The following PPP2R2B variants were observed in gnomAD, a reference collection of about 807,000 sequenced individuals.
The protein encoded by PPP2R2B is protein phosphatase 2 regulatory subunit Bbeta, also known as serine/threonine-protein phosphatase 2A 55 kDa regulatory subunit B beta isoform.
A neutral mutation model predicts 46.0 loss-of-function variants in PPP2R2B; 5 were observed. The observed-to-expected ratio is 0.11, with a 90% CI of 0.06 to 0.23. The LOEUF is 0.23. PPP2R2B is among the 10% of genes least tolerant of loss of function. PPP2R2B has a pLI of 1.00. For missense variants in PPP2R2B, 367 were observed against 575.0 expected (o/e 0.64, Z 3.70); for synonymous variants, 215 against 206.7 (o/e 1.04, Z -0.34).
At chr5:146,822,493 C>T (rs1264554739) in intron 2 of PPP2R2B, among the ~76,000 whole-genome samples, 1 of 151,258 alleles carries the variant, frequency 6.6e-6, no homozygotes, top group African/African-American at 2.4e-5. Flanking sequence ...TTACTATTTT[C>T]TCTCCAGGAA....
intron 5 of PPP2R2B, among the ~76,000 whole-genome samples, chr5:146,653,685 G>A (rs1017212688): frequency 6.6e-6 from 1 of 152,194 alleles, no homozygotes; most frequent in African/African-American, 2.4e-5. Flanking sequence ...AGGAACAAGA[G>A]GCATTACAGA....
chr5:146,847,752 G>A (rs1316278483), intron 2 of PPP2R2B, among the ~76,000 whole-genome samples: 1 of 152,072 alleles, frequency 6.6e-6, no homozygotes, highest in Non-Finnish European at 1.5e-5. Flanking sequence ...TATTTTCTCA[G>A]GCTTCAGGAA....
intron 7 of PPP2R2B, among the ~76,000 whole-genome samples, chr5:146,633,884 T>A (rs1469698798): frequency 6.6e-6 from 1 of 152,206 alleles, no homozygotes. Context: ...CAGCAGTCAC[T>A]GTCTTGTAGA....
chr5:146,593,168 G>T (rs934399433), intron 8 of PPP2R2B, 106 bp from the exon 9 acceptor site: 1 of 995,964 alleles, frequency 1.0e-6, no homozygotes. Flanking sequence ...CATTGTACAT[G>T]CTCTTTGAAT....
intron 1 of PPP2R2B, among the ~76,000 whole-genome samples, chr5:147,037,235 A>C (rs1462569305): frequency 1.3e-5 from 2 of 152,178 alleles, no homozygotes; most frequent in Non-Finnish European, 2.9e-5. Context: ...GAAAGAGTCT[A>C]TACCACAGGC....
intron 1 of PPP2R2B, among the ~76,000 whole-genome samples, chr5:146,945,990 A>G (rs906592385): frequency 1.3e-5 from 2 of 152,182 alleles, no homozygotes; most frequent in African/African-American, 4.8e-5. Flanking sequence ...AAGTGTGACC[A>G]GAGGCTGAGT....
At chr5:146,599,623 T>C (rs1275061539) in intron 8 of PPP2R2B, among the ~76,000 whole-genome samples, 1 of 152,174 alleles carries the variant, frequency 6.6e-6, no homozygotes, top group Non-Finnish European at 1.5e-5. Context: ...ACCTCATTTC[T>C]CTTGACACCA....
At chr5:147,080,564 G>C (rs1757942169) in intron 2 of PPP2R2B, among the ~76,000 whole-genome samples, 1 of 152,058 alleles carries the variant, frequency 6.6e-6, no homozygotes, top group Non-Finnish European at 1.5e-5. Flanking sequence ...CCAGGTAAAG[G>C]GCCCTGGAAT....
chr5:146,617,193 TAG>T (rs1773246353), intron 7 of PPP2R2B, among the ~76,000 whole-genome samples: 1 of 151,684 alleles, frequency 6.6e-6, no homozygotes, highest in Admixed American at 6.6e-5. Context: ...TTCATGGAGA[TAG>T]AGAGTAGAAG....
At chr5:147,040,887 G>T (rs958270563) in intron 1 of PPP2R2B, 9 of 413,266 alleles carry the variant, frequency 2.2e-5, no homozygotes, top group Admixed American at 3.0e-5. Flanking sequence ...CTTGAGGCTG[G>T]TTCTCTCCTG....
chr5:146,923,366 T>A (rs147914163), intron 1 of PPP2R2B, among the ~76,000 whole-genome samples: 142 of 152,330 alleles, frequency 9.3e-4, no homozygotes, highest in African/African-American at 3.2e-3. Context: ...TTGCATGATG[T>A]ATGGCAGTGA....
intron 1 of PPP2R2B, among the ~76,000 whole-genome samples, chr5:146,930,525 C>T (rs1763934831): frequency 6.6e-6 from 1 of 152,122 alleles, no homozygotes; most frequent in African/African-American, 2.4e-5. Context: ...AAGAGAGAGG[C>T]AATGATCACA....
intron 1 of PPP2R2B, among the ~76,000 whole-genome samples, chr5:146,932,518 G>T (rs1050372505): frequency 6.6e-6 from 1 of 152,144 alleles, no homozygotes; most frequent in Non-Finnish European, 1.5e-5. Context: ...CTGCTGCCAC[G>T]TAAGACAGGC....
At chr5:146,735,559 T>C (rs1449736235) in intron 2 of PPP2R2B, among the ~76,000 whole-genome samples, 4 of 152,094 alleles carry the variant, frequency 2.6e-5, no homozygotes, top group Non-Finnish European at 4.4e-5. Flanking sequence ...AGGTTTTATA[T>C]GATTAAATTG....
chr5:147,050,925 G>T (rs917672114), intron 1 of PPP2R2B, among the ~76,000 whole-genome samples: 1 of 151,894 alleles, frequency 6.6e-6, no homozygotes, highest in Non-Finnish European at 1.5e-5. Flanking sequence ...GAGCATTGTT[G>T]ATAGAATATG....
chr5:146,804,018 T>A (rs900421296), intron 2 of PPP2R2B, among the ~76,000 whole-genome samples: 1 of 151,828 alleles, frequency 6.6e-6, no homozygotes, highest in African/African-American at 2.4e-5. Context: ...ATAAAAAAAA[T>A]TAGACGGGCG....
intron 1 of PPP2R2B, among the ~76,000 whole-genome samples, chr5:146,902,435 T>C (rs531424282): frequency 6.6e-6 from 1 of 152,310 alleles, no homozygotes; most frequent in African/African-American, 2.4e-5. Flanking sequence ...ATATTGCTAC[T>C]ACCCACAACA....
At chr5:146,826,107 C>A (rs529476355) in intron 2 of PPP2R2B, among the ~76,000 whole-genome samples, 1 of 152,314 alleles carries the variant, frequency 6.6e-6, no homozygotes, top group South Asian at 2.1e-4. Context: ...TCTCTAGGCT[C>A]ATCATCATTG....
At chr5:146,750,190 A>G (rs1055364838) in intron 2 of PPP2R2B, among the ~76,000 whole-genome samples, 1 of 152,206 alleles carries the variant, frequency 6.6e-6, no homozygotes, top group Non-Finnish European at 1.5e-5. Context: ...ACAGTCTTTC[A>G]TACTATAGCC....
Sources: gnomAD v4.1 joint callset for allele counts (sites outside exome capture counted in the v4.1 genomes callset) on GRCh38, gnomAD v4.1.1 for gene constraint, MANE v1.5 for transcripts, NCBI Gene and HGNC (gene_info 2026-07-23, HGNC 2026-07-21) for gene names.